Variants in ATRNL1 observed in about 807,000 individuals in gnomAD.
The protein encoded by ATRNL1 is attractin-like protein 1.
In ATRNL1, 95 loss-of-function variants were observed where a neutral mutation model predicts 182.7. That is an observed-to-expected ratio of 0.52 (90% CI 0.44 to 0.62). ATRNL1 has a LOEUF of 0.62. Ranked by LOEUF, ATRNL1 falls within the 20% of genes least tolerant of loss-of-function variation. The pLI, the probability that ATRNL1 is intolerant of heterozygous loss-of-function variation, is 0.00. For synonymous variants in ATRNL1, 576 were observed against 568.3 expected (o/e 1.01, Z -0.19); for missense variants, 1,471 against 1,679.5 (o/e 0.88, Z 2.17).
At chr10:115,453,504 T>A (rs1289722325) in intron 21 of ATRNL1, among the ~76,000 whole-genome samples, 3 of 152,160 alleles carry the variant, frequency 2.0e-5, no homozygotes, top group Admixed American at 6.6e-5. Flanking sequence ...TTGCCTTTGC[T>A]GTTTGATGTA....
At chr10:115,295,879 G>T (rs1476056364) in intron 15 of ATRNL1, among the ~76,000 whole-genome samples, 2 of 152,042 alleles carry the variant, frequency 1.3e-5, no homozygotes, top group African/African-American at 4.8e-5. Context: ...AAAATGAACT[G>T]CAGTACTGGA....
At chr10:115,422,505 G>A (rs1845693790) in intron 20 of ATRNL1, among the ~76,000 whole-genome samples, 1 of 152,080 alleles carries the variant, frequency 6.6e-6, no homozygotes, top group Admixed American at 6.6e-5. Flanking sequence ...TCTCACACCA[G>A]TCAGAATGGG....
chr10:115,649,474 T>A (rs1321257662), intron 26 of ATRNL1, among the ~76,000 whole-genome samples: 2 of 152,110 alleles, frequency 1.3e-5, no homozygotes, highest in Admixed American at 6.6e-5. Flanking sequence ...ATAAGATAAT[T>A]GTAATTGAAT....
intron 27 of ATRNL1, among the ~76,000 whole-genome samples, chr10:115,826,766 C>T (rs782564391): frequency 2.6e-5 from 4 of 151,938 alleles, no homozygotes; most frequent in South Asian, 2.1e-4. Context: ...AATGAGGAAG[C>T]GCAGGCTGTA....
intron 15 of ATRNL1, among the ~76,000 whole-genome samples, chr10:115,296,876 ACAGAGAT>A (rs1438607221): frequency 1.3e-5 from 2 of 152,242 alleles, no homozygotes; most frequent in Non-Finnish European, 2.9e-5. Context: ...TTCTGAGATT[ACAGAGAT>A]CAAAAGACAA....
rs181808831 is a variant in ATRNL1, at chr10:115,319,777, A to G, written c.3037+4041A>G. Among the ~76,000 whole-genome samples the G allele has an allele frequency of 5.5e-3, 826 of 149,294 alleles. 1 individual carries two copies. The highest frequency in any genetic ancestry group is 9.3e-3 in the Non-Finnish European group (631 of 67,584). On this transcript the variant is annotated intron_variant, in intron 18 of 28. Coordinates refer to ENST00000355044, the MANE Select transcript of ATRNL1 (RefSeq NM_207303.4). ...TCCTCCATCTCTTTATTTTGAGCCT[A>G]TGTGTGTCTTTGCCTATGAGATGGG...
At chr10:115,560,824 G>A (rs1049631853) in intron 26 of ATRNL1, among the ~76,000 whole-genome samples, 1 of 152,154 alleles carries the variant, frequency 6.6e-6, no homozygotes, top group African/African-American at 2.4e-5. Context: ...TCCATAGAAT[G>A]TAACTGAGAA....
chr10:115,524,437 A>G (rs575654447), intron 25 of ATRNL1, among the ~76,000 whole-genome samples: 1 of 152,242 alleles, frequency 6.6e-6, no homozygotes, highest in Non-Finnish European at 1.5e-5. Context: ...AAAATGGAAA[A>G]GTAGATGTAT....
intron 27 of ATRNL1, among the ~76,000 whole-genome samples, chr10:115,792,817 T>C (rs1555082052): frequency 6.6e-6 from 1 of 151,984 alleles, no homozygotes; most frequent in African/African-American, 2.4e-5. Flanking sequence ...TACGGTTAAG[T>C]TCAAATAGGC....
At chr10:115,539,556 A>G (rs2133780116) in intron 25 of ATRNL1, among the ~76,000 whole-genome samples, 1 of 152,296 alleles carries the variant, frequency 6.6e-6, no homozygotes, top group South Asian at 2.1e-4. Flanking sequence ...GGAAGTAACT[A>G]CTATAGTTTG....
At chr10:115,649,139 TTTTA>T (rs375998661) in intron 26 of ATRNL1, among the ~76,000 whole-genome samples, 66 of 152,302 alleles carry the variant, frequency 4.3e-4, no homozygotes, top group African/African-American at 9.1e-4. Flanking sequence ...TGACGCTTTG[TTTTA>T]TTTATTTGTC....
chr10:115,313,577 C>A (rs1334131892), intron 17 of ATRNL1, among the ~76,000 whole-genome samples: 2 of 151,912 alleles, frequency 1.3e-5, no homozygotes, highest in Admixed American at 6.6e-5. Flanking sequence ...TTTATTTATT[C>A]TTTCCCCAGT....
chr10:115,176,137 A>G (rs561440564), intron 8 of ATRNL1, among the ~76,000 whole-genome samples: 4 of 151,916 alleles, frequency 2.6e-5, no homozygotes, highest in South Asian at 2.1e-4. Flanking sequence ...CATATCCTTC[A>G]CCCACTTTTT....
intron 8 of ATRNL1, among the ~76,000 whole-genome samples, chr10:115,200,205 A>AT (rs1381680564): frequency 2.0e-5 from 3 of 150,902 alleles, no homozygotes; most frequent in Non-Finnish European, 3.0e-5. Flanking sequence ...TTAAAAATGG[A>AT]TTTTTTTTGT....
At chr10:115,543,305 A>G (rs1554992609) in intron 25 of ATRNL1, among the ~76,000 whole-genome samples, 1 of 152,192 alleles carries the variant, frequency 6.6e-6, no homozygotes, top group Non-Finnish European at 1.5e-5. Flanking sequence ...TGAACATATA[A>G]GCAATTTTTT....
intron 27 of ATRNL1, among the ~76,000 whole-genome samples, chr10:115,735,376 T>TTC (rs1555065141): frequency 6.6e-6 from 1 of 152,192 alleles, no homozygotes; most frequent in East Asian, 1.9e-4. Flanking sequence ...GTGAAAATTG[T>TTC]TCTGACACTG....
intron 8 of ATRNL1, among the ~76,000 whole-genome samples, chr10:115,192,717 T>A (rs1467333401): frequency 6.7e-6 from 1 of 149,358 alleles, no homozygotes; most frequent in African/African-American, 2.6e-5. Flanking sequence ...CAAATCCGTT[T>A]TTTTGTGTAT....
chr10:115,212,480 G>A (rs1849068777), intron 8 of ATRNL1, among the ~76,000 whole-genome samples: 1 of 151,610 alleles, frequency 6.6e-6, no homozygotes, highest in Non-Finnish European at 1.5e-5. Flanking sequence ...ATTCAACTCA[G>A]CAATCCCATT....
chr10:115,772,627 G>GTGTGTGTGTGTT (rs1949023444), intron 27 of ATRNL1, among the ~76,000 whole-genome samples: 1 of 151,312 alleles, frequency 6.6e-6, no homozygotes, highest in Non-Finnish European at 1.5e-5. Context: ...GTGTGTGTGT[G>GTGTGTGTGTGTT]TGTGTATTAC....
Sources: gnomAD v4.1 joint callset for allele counts (sites outside exome capture counted in the v4.1 genomes callset) on GRCh38, gnomAD v4.1.1 for gene constraint, MANE v1.5 for transcripts, NCBI Gene and HGNC (gene_info 2026-07-23, HGNC 2026-07-21) for gene names.